The following TOX variants were observed in gnomAD, a reference collection of about 807,000 sequenced individuals.
TOX encodes thymocyte selection-associated high mobility group box protein TOX.
Under a neutral mutation model 53.7 loss-of-function variants are expected in TOX, and 11 were observed. That is an observed-to-expected ratio of 0.20 (90% CI 0.13 to 0.34). The LOEUF is 0.34. TOX is among the 10% of genes least tolerant of loss of function. The pLI is 1.00. For missense variants in TOX, 570 were observed against 664.6 expected, an observed-to-expected ratio of 0.86 and a Z score of 1.56; for synonymous variants, 225 against 245.3, an observed-to-expected ratio of 0.92 and a Z score of 0.77.
At chr8:59,116,744 G>T (rs572308168) in intron 1 of TOX, among the ~76,000 whole-genome samples, 51 of 152,114 alleles carry the variant, frequency 3.4e-4, no homozygotes, top group Non-Finnish European at 4.9e-4. Context: ...TTATTCTCTG[G>T]ATAAGTTAAA....
At chr8:58,893,644 C>G (rs1054713944) in intron 3 of TOX, among the ~76,000 whole-genome samples, 117 of 152,190 alleles carry the variant, frequency 7.7e-4, no homozygotes, top group Admixed American at 1.3e-4. Context: ...ATGTGGAGTT[C>G]CTAATGGCTT....
chr8:59,055,282 A>G (rs1803871087), intron 1 of TOX, among the ~76,000 whole-genome samples: 1 of 152,212 alleles, frequency 6.6e-6, no homozygotes, highest in African/African-American at 2.4e-5. Flanking sequence ...GATCAACATT[A>G]GCACACAGGG....
At chr8:59,054,871 G>A (rs1338139922) in intron 1 of TOX, among the ~76,000 whole-genome samples, 1 of 100,744 alleles carries the variant, frequency 9.9e-6, no homozygotes, top group Non-Finnish European at 2.0e-5. Flanking sequence ...GAAAGAGAAA[G>A]CAAAAAAAAA....
At chr8:59,054,748 C>G (rs1304941263) in intron 1 of TOX, among the ~76,000 whole-genome samples, 5 of 149,612 alleles carry the variant, frequency 3.3e-5, no homozygotes, top group African/African-American at 1.2e-4. Context: ...CACCAAGTAC[C>G]AACAGCCACC....
intron 4 of TOX, among the ~76,000 whole-genome samples, chr8:58,838,699 CTTT>C (rs35347981): frequency 0.2 from 18,054 of 88,400 alleles, 1,302 homozygotes; most frequent in South Asian, 0.26. Context: ...TTATCCTTGT[CTTT>C]TTTTTTTTTT....
chr8:58,961,906 T>C (rs936231989), intron 1 of TOX, among the ~76,000 whole-genome samples: 1 of 152,204 alleles, frequency 6.6e-6, no homozygotes, highest in Non-Finnish European at 1.5e-5. Context: ...TCACTGTGCA[T>C]TTCTTCATCT....
chr8:59,036,169 A>C (rs1165002159), intron 1 of TOX, among the ~76,000 whole-genome samples: 1 of 152,244 alleles, frequency 6.6e-6, no homozygotes, highest in African/African-American at 2.4e-5. Flanking sequence ...AAAAGCTTCC[A>C]GGAGGAGGTG....
intron 1 of TOX, among the ~76,000 whole-genome samples, chr8:59,085,349 T>C (rs1804488052): frequency 6.6e-6 from 1 of 152,186 alleles, no homozygotes; most frequent in South Asian, 2.1e-4. Context: ...AATTATATGA[T>C]GCCAAACCAC....
At chr8:59,027,943 G>A (rs1314087316) in intron 1 of TOX, among the ~76,000 whole-genome samples, 3 of 152,116 alleles carry the variant, frequency 2.0e-5, no homozygotes, top group African/African-American at 7.2e-5. Context: ...GATATCCCAT[G>A]TGAATTATTA....
intron 3 of TOX, among the ~76,000 whole-genome samples, chr8:58,893,216 C>CA (rs954212859): frequency 6.6e-6 from 1 of 151,948 alleles, no homozygotes; most frequent in East Asian, 1.9e-4. Context: ...AATCTCCCCC[C>CA]CACAAAACAC....
At chr8:59,013,433 C>T (rs1343628579) in intron 1 of TOX, among the ~76,000 whole-genome samples, 5 of 142,184 alleles carry the variant, frequency 3.5e-5, no homozygotes, top group Admixed American at 7.2e-5. Flanking sequence ...TTTCTTGAGA[C>T]GAAGTCTGCC....
At chr8:58,833,619 A>G (rs1002197628) in intron 5 of TOX, among the ~76,000 whole-genome samples, 2 of 152,232 alleles carry the variant, frequency 1.3e-5, no homozygotes, top group Non-Finnish European at 1.5e-5. Flanking sequence ...TCCGTGAAAG[A>G]TAAGTAGCAG....
chr8:59,089,189 G>A (rs1250715194), intron 1 of TOX, among the ~76,000 whole-genome samples: 1 of 152,184 alleles, frequency 6.6e-6, no homozygotes. Context: ...TGCTTATGAT[G>A]TACAAAACAC....
chr8:58,925,061 C>T (rs984283053), intron 3 of TOX, among the ~76,000 whole-genome samples: 2 of 152,196 alleles, frequency 1.3e-5, no homozygotes, highest in African/African-American at 4.8e-5. Context: ...CCACAGCCCC[C>T]AACCCTCGGC....
At chr8:59,022,831 C>T (rs1053940365) in intron 1 of TOX, among the ~76,000 whole-genome samples, 18 of 152,092 alleles carry the variant, frequency 1.2e-4, no homozygotes, top group African/African-American at 4.3e-4. Flanking sequence ...CTGTGGTGGT[C>T]TTGACCGTTG....
At chr8:58,918,968 G>T (rs547943137) in intron 3 of TOX, among the ~76,000 whole-genome samples, 87 of 151,102 alleles carry the variant, frequency 5.8e-4, no homozygotes, top group Middle Eastern at 3.4e-3. Flanking sequence ...GCTTCAAAGA[G>T]AATAAAATAC....
At chr8:58,987,273 A>G (rs912665662) in intron 1 of TOX, among the ~76,000 whole-genome samples, 14 of 152,192 alleles carry the variant, frequency 9.2e-5, no homozygotes, top group African/African-American at 3.4e-4. Flanking sequence ...CAGAATGCCA[A>G]TTGTCACACA....
At chr8:58,993,249 A>G (rs1453455187) in intron 1 of TOX, among the ~76,000 whole-genome samples, 1 of 152,252 alleles carries the variant, frequency 6.6e-6, no homozygotes, top group Non-Finnish European at 1.5e-5. Context: ...ACACTTTCAT[A>G]GCAAATATAC....
At chr8:58,956,716 C>T (rs1016367907) in intron 2 of TOX, among the ~76,000 whole-genome samples, 3 of 152,178 alleles carry the variant, frequency 2.0e-5, no homozygotes, top group Admixed American at 2.0e-4. Flanking sequence ...ATTCTCCTGC[C>T]TCAGCCTCCG....
Sources: gnomAD v4.1 joint callset for allele counts (sites outside exome capture counted in the v4.1 genomes callset) on GRCh38, gnomAD v4.1.1 for gene constraint, MANE v1.5 for transcripts, NCBI Gene and HGNC (gene_info 2026-07-23, HGNC 2026-07-21) for gene names.